Variants in ECPAS observed in about 807,000 individuals in gnomAD.
The protein encoded by ECPAS is proteasome adapter and scaffold protein ECM29.
In ECPAS, 70 loss-of-function variants were observed where a neutral mutation model predicts 255.1. The observed-to-expected ratio is 0.27, with a 90% CI of 0.23 to 0.33. The LOEUF is 0.33. Among genes scored for constraint, ECPAS ranks in the 10% least tolerant of loss-of-function variants. The pLI is 1.00. For synonymous variants in ECPAS, 784 were observed against 775.0 expected (o/e 1.01, Z -0.19); for missense variants, 1,817 against 2,206.4 (o/e 0.82, Z 3.54).
At chr9:111,383,361 G>C in intron 34 of ECPAS, 29 bp from the exon 35 acceptor site, 3 of 1,588,964 alleles carry the variant, frequency 1.9e-6, no homozygotes, top group Non-Finnish European at 2.6e-6. Context: ...GGACGTTAGT[G>C]AAAGTGACCG....
intron 1 of ECPAS, among the ~76,000 whole-genome samples, chr9:111,477,950 G>C (rs919156564): frequency 6.7e-6 from 1 of 149,202 alleles, no homozygotes; most frequent in African/African-American, 2.5e-5. Flanking sequence ...ACCCAGGCTA[G>C]AGTGCAGTGG....
intron 2 of ECPAS, among the ~76,000 whole-genome samples, chr9:111,471,940 CA>C (rs548538689): frequency 3.2e-4 from 47 of 145,716 alleles, no homozygotes; most frequent in Admixed American, 4.1e-4. Context: ...CTGTCTCTAC[CA>C]AAAAAAAAAA....
At chr9:111,483,389 G>A in intron 1 of ECPAS, 2 of 345,454 alleles carry the variant, frequency 5.8e-6, no homozygotes, top group South Asian at 1.2e-4. Context: ...CCCGTACGCC[G>A]CGGCCGCCGC....
chr9:111,460,073 A>G (rs2098271413), intron 2 of ECPAS, among the ~76,000 whole-genome samples: 1 of 152,240 alleles, frequency 6.6e-6, no homozygotes, highest in Admixed American at 6.5e-5. Flanking sequence ...ACATAAAATA[A>G]GTAAAAAATA....
At chr9:111,431,379 G>A (rs189198646) in intron 8 of ECPAS, among the ~76,000 whole-genome samples, 32 of 152,154 alleles carry the variant, frequency 2.1e-4, no homozygotes, top group South Asian at 4.1e-4. Flanking sequence ...CCAGCATGGC[G>A]AAACCCCATC....
chr9:111,470,316 CTT>C (rs1011956272), intron 2 of ECPAS, among the ~76,000 whole-genome samples: 67 of 143,246 alleles, frequency 4.7e-4, no homozygotes, highest in Admixed American at 4.9e-4. Flanking sequence ...TTTCCCTGGC[CTT>C]TTTTTTTTTT....
chr9:111,425,760 C>T lies in ECPAS; in HGVS notation c.1119G>A (p.Val373=). Residue 373 remains valine (V), a synonymous_variant, in exon 11 of 50, where the codon GTG becomes GTA. Transcript: ENST00000684092. ...SKLRTLSLQF[V]HHICITCPEI... ...AGACTTACGTTATACAAATATGATG[C>T]ACAAATTGCAGGGATAATGTTCTTA... 6.3e-7 allele frequency: 1 copy of T among 1,579,134 alleles called. No homozygotes were observed. The highest frequency in any genetic ancestry group is 8.7e-7 in the Non-Finnish European group (1 of 1,151,800).
At position 111,386,429 on chromosome 9, in the gene ECPAS, G is replaced by GA; in HGVS notation, c.3474dup (p.Gln1159SerfsTer5). 6.3e-7 allele frequency: 1 copy of GA among 1,597,922 alleles called. No individual in the cohort carries two copies. Among genetic ancestry groups the GA allele is most frequent in the Non-Finnish European group, 8.6e-7 (1 of 1,168,272 alleles). ...CTTGTAAGGTTCTTAACCAAATCTT[G>GA]AAGAATTTCTTTCAAATATTTATCC... On this transcript the variant is annotated frameshift_variant, in exon 32 of 50. Coordinates refer to ENST00000684092, the MANE Select transcript of ECPAS (RefSeq NM_001364929.1). LOFTEE classifies it high-confidence loss of function.
chr9:111,458,930 T>A (rs1471651210), intron 2 of ECPAS, among the ~76,000 whole-genome samples: 1 of 152,146 alleles, frequency 6.6e-6, no homozygotes, highest in Non-Finnish European at 1.5e-5. Context: ...AATACACGGC[T>A]TTCCTGAGTT....
rs910084240 is a variant in ECPAS, at chr9:111,361,841, A to C, written c.*189T>G. On this transcript the variant is annotated 3_prime_UTR_variant, in exon 50 of 50. Transcript: ENST00000684092. ...GTTCCATTAAGCTCACTCAGCCCAG[A>C]TACTTTAAAAACATAAAGTAAAATA... 2 of 588,244 alleles carry C rather than the reference A, an allele frequency of 3.4e-6. No homozygotes were observed. Among genetic ancestry groups the C allele is most frequent in the Non-Finnish European group, 5.5e-6 (2 of 365,986 alleles). 36.4% of individuals were successfully genotyped at this position (588,244 alleles called of 1,614,324 possible).
At chr9:111,445,795 T>C (rs552859437) in intron 3 of ECPAS, among the ~76,000 whole-genome samples, 71 of 152,272 alleles carry the variant, frequency 4.7e-4, no homozygotes, top group Non-Finnish European at 9.0e-4. Context: ...TCATCTACAT[T>C]AGGTATTTCT....
chr9:111,414,674 G>T, intron 18 of ECPAS, 23 bp from the exon 19 acceptor site: 1 of 1,589,662 alleles, frequency 6.3e-7, no homozygotes, highest in Non-Finnish European at 8.6e-7. Flanking sequence ...CGGAGAGGAA[G>T]ACTGCATAAG....
intron 7 of ECPAS, among the ~76,000 whole-genome samples, chr9:111,434,360 C>T (rs1457134976): frequency 6.6e-6 from 1 of 152,032 alleles, no homozygotes; most frequent in Non-Finnish European, 1.5e-5. Flanking sequence ...ATACAGATGT[C>T]CATCAATAGG....
intron 16 of ECPAS, among the ~76,000 whole-genome samples, chr9:111,418,526 T>C (rs1158063834): frequency 6.6e-6 from 1 of 152,104 alleles, no homozygotes; most frequent in East Asian, 1.9e-4. Context: ...AGATACCACA[T>C]AAAGGCCTTT....
intron 37 of ECPAS, among the ~76,000 whole-genome samples, chr9:111,375,582 T>C (rs986999535): frequency 5.3e-5 from 8 of 152,192 alleles, no homozygotes; most frequent in African/African-American, 1.7e-4. Flanking sequence ...CCCCCTCTAA[T>C]GAGTCAACTT....
chr9:111,423,938 T>TA (rs751878923), intron 12 of ECPAS, among the ~76,000 whole-genome samples: 1 of 152,212 alleles, frequency 6.6e-6, no homozygotes, highest in Non-Finnish European at 1.5e-5. Context: ...TGGCTACTCT[T>TA]ATGGATTCAT....
chr9:111,399,860 C>T (rs2098173079), intron 24 of ECPAS, among the ~76,000 whole-genome samples: 1 of 152,262 alleles, frequency 6.6e-6, no homozygotes, highest in Admixed American at 6.5e-5. Flanking sequence ...GGCTCCAACA[C>T]CTGCTGACTA....
At chr9:111,379,138 C>G (rs1456093698) in intron 35 of ECPAS, among the ~76,000 whole-genome samples, 1 of 152,132 alleles carries the variant, frequency 6.6e-6, no homozygotes, top group Non-Finnish European at 1.5e-5. Flanking sequence ...GCCGCTATTC[C>G]CCCCTGCCAC....
intron 20 of ECPAS, among the ~76,000 whole-genome samples, chr9:111,413,103 ACACACGG>A (rs2098197297): frequency 6.6e-6 from 1 of 152,254 alleles, no homozygotes; most frequent in Non-Finnish European, 1.5e-5. Context: ...CATTGGTACC[ACACACGG>A]AGGGTGTGGC....
Sources: gnomAD v4.1 joint callset for allele counts (sites outside exome capture counted in the v4.1 genomes callset) on GRCh38, gnomAD v4.1.1 for gene constraint, MANE v1.5 for transcripts, NCBI Gene and HGNC (gene_info 2026-07-23, HGNC 2026-07-21) for gene names.